EPB41L4A: variants seen among roughly 807,000 people sequenced by gnomAD.
The protein encoded by EPB41L4A is band 4.1-like protein 4A.
A neutral mutation model predicts 108.6 loss-of-function variants in EPB41L4A; 100 were observed. That is an observed-to-expected ratio of 0.92 (90% CI 0.78 to 1.09). The LOEUF (loss-of-function observed/expected upper bound fraction) is 1.09. EPB41L4A is among the 50% of genes least tolerant of loss of function. The pLI is 0.00. For synonymous variants in EPB41L4A, 319 were observed against 289.0 expected, an observed-to-expected ratio of 1.10 and a Z score of -1.05; for missense variants, 1,030 against 842.7, an observed-to-expected ratio of 1.22 and a Z score of -2.75.
At chr5:112,190,303 G>A (rs541083620) in intron 17 of EPB41L4A, among the ~76,000 whole-genome samples, 2 of 152,126 alleles carry the variant, frequency 1.3e-5, no homozygotes, top group East Asian at 3.9e-4. Context: ...AACTTTGTAA[G>A]TTTTAAGGGG....
chr5:112,387,212 G>A (rs776730906), intron 1 of EPB41L4A, among the ~76,000 whole-genome samples: 6 of 152,186 alleles, frequency 3.9e-5, no homozygotes, highest in African/African-American at 9.7e-5. Flanking sequence ...GCAGATGCAC[G>A]AACTCCTCAT....
chr5:112,401,748 C>A (rs1210607197), intron 1 of EPB41L4A, among the ~76,000 whole-genome samples: 1 of 152,124 alleles, frequency 6.6e-6, no homozygotes, highest in African/African-American at 2.4e-5. Context: ...ATGACTCTTC[C>A]ATGGAGACGA....
intron 2 of EPB41L4A, among the ~76,000 whole-genome samples, chr5:112,298,621 A>T (rs1268696601): frequency 1.3e-5 from 2 of 152,130 alleles, no homozygotes; most frequent in Non-Finnish European, 2.9e-5. Flanking sequence ...ATCTATGTTC[A>T]TCAGGGGTAT....
intron 18 of EPB41L4A, among the ~76,000 whole-genome samples, chr5:112,172,769 T>C (rs1760657835): frequency 6.6e-6 from 1 of 152,208 alleles, no homozygotes; most frequent in South Asian, 2.1e-4. Context: ...GTCTGAAGTA[T>C]TACATAATAT....
intron 9 of EPB41L4A, among the ~76,000 whole-genome samples, chr5:112,245,150 A>T (rs748638795): frequency 7.2e-5 from 11 of 152,162 alleles, no homozygotes; most frequent in Admixed American, 1.3e-4. Context: ...TTTTGCAGAA[A>T]ATACTATTTA....
At chr5:112,192,143 T>C (rs1761735065) in intron 17 of EPB41L4A, 1 of 152,308 alleles carries the variant, frequency 6.6e-6, no homozygotes, top group Non-Finnish European at 1.5e-5. Context: ...TGCATCCTCA[T>C]GTGGGATGAG....
intron 9 of EPB41L4A, among the ~76,000 whole-genome samples, chr5:112,251,634 T>C (rs1750679412): frequency 6.6e-6 from 1 of 152,100 alleles, no homozygotes. Flanking sequence ...AACAATGAAG[T>C]TGGTTACCTA....
chr5:112,411,970 C>T (rs960414947), intron 1 of EPB41L4A, among the ~76,000 whole-genome samples: 1 of 152,230 alleles, frequency 6.6e-6, no homozygotes, highest in Non-Finnish European at 1.5e-5. Context: ...ACGGCCCCCA[C>T]TGTTCTCTAA....
chr5:112,392,791 T>A (rs1761041163), intron 1 of EPB41L4A: 1 of 152,200 alleles, frequency 6.6e-6, no homozygotes, highest in Non-Finnish European at 1.5e-5. Flanking sequence ...ATATAGTTTC[T>A]TCTCAGCACC....
At chr5:112,390,794 T>G (rs1044228364) in intron 1 of EPB41L4A, among the ~76,000 whole-genome samples, 5 of 152,154 alleles carry the variant, frequency 3.3e-5, no homozygotes, top group Non-Finnish European at 7.3e-5. Flanking sequence ...CACCTCCCAG[T>G]AGGGGCCAAC....
chr5:112,300,209 G>A (rs904520934), intron 2 of EPB41L4A, among the ~76,000 whole-genome samples: 18 of 148,426 alleles, frequency 1.2e-4, no homozygotes, highest in African/African-American at 4.6e-4. Context: ...TGTATACCTT[G>A]TTTTTTCTTA....
At chr5:112,245,212 C>T (rs555461625) in intron 9 of EPB41L4A, among the ~76,000 whole-genome samples, 4 of 151,932 alleles carry the variant, frequency 2.6e-5, no homozygotes, top group Admixed American at 2.0e-4. Context: ...TGAATGCTAA[C>T]ACAATAAACC....
Position 112,418,817 on chromosome 5 carries a change from T to C in EPB41L4A, c.99+124A>G. On this transcript the variant is annotated intron_variant, in intron 1 of 22. Transcript: ENST00000261486. Reference sequence around the variant, plus strand: ...TCCCTGCGCGCAGGGGACAGCGGCCTCTCCTCCCCACCGCGCAGAGTCGCG... The same window carrying C: ...TCCCTGCGCGCAGGGGACAGCGGCCCCTCCTCCCCACCGCGCAGAGTCGCG... The C allele has an allele frequency of 6.0e-6, 4 of 669,316 alleles. No individual in the cohort carries two copies. In the South Asian group the frequency reaches 7.3e-5, roughly 12 times the overall value. The allele number at this position is 669,316 out of a possible 1,614,324, so 41.5% of individuals were successfully genotyped here.
chr5:112,264,712 T>G, intron 6 of EPB41L4A, 184 bp downstream of exon 6: 1 of 532,108 alleles, frequency 1.9e-6, no homozygotes, highest in East Asian at 3.3e-5. Context: ...TCCTTTACAC[T>G]TTTTAAATTA....
intron 7 of EPB41L4A, 39 bp from the exon 8 acceptor site, chr5:112,260,018 A>G (rs762243984): frequency 2.2e-6 from 3 of 1,368,082 alleles, no homozygotes; most frequent in Middle Eastern, 1.8e-4. Context: ...ACATATTCAC[A>G]TAAAATCTCT....
intron 1 of EPB41L4A, among the ~76,000 whole-genome samples, chr5:112,364,392 A>G (rs909248262): frequency 5.3e-5 from 8 of 152,168 alleles, no homozygotes; most frequent in Non-Finnish European, 8.8e-5. Context: ...TAGAGTTACA[A>G]TATTTAAATT....
intron 1 of EPB41L4A, among the ~76,000 whole-genome samples, chr5:112,325,804 T>G (rs1195398424): frequency 6.6e-6 from 1 of 152,132 alleles, no homozygotes; most frequent in Non-Finnish European, 1.5e-5. Flanking sequence ...ATGGGATAAC[T>G]GAACTCAGTA....
At chr5:112,146,234 T>C (rs1759251017) in intron 12 of EPB41L4A, among the ~76,000 whole-genome samples, 1 of 152,216 alleles carries the variant, frequency 6.6e-6, no homozygotes, top group South Asian at 2.1e-4. Context: ...GGGCTCACCA[T>C]GATTTCTGGG....
chr5:112,166,104 G>T (rs1760227502), intron 22 of EPB41L4A, among the ~76,000 whole-genome samples: 1 of 152,196 alleles, frequency 6.6e-6, no homozygotes, highest in Non-Finnish European at 1.5e-5. Context: ...AGTTTGTCTA[G>T]GATTGAATCT....
Sources: gnomAD v4.1 joint callset for allele counts (sites outside exome capture counted in the v4.1 genomes callset) on GRCh38, gnomAD v4.1.1 for gene constraint, MANE v1.5 for transcripts, NCBI Gene and HGNC (gene_info 2026-07-23, HGNC 2026-07-21) for gene names.